The following PSPC1 variants were observed in gnomAD, a reference collection of about 807,000 sequenced individuals.
The protein encoded by PSPC1 is paraspeckle component 1, also known as paraspeckle protein 1.
A neutral mutation model predicts 51.6 loss-of-function variants in PSPC1; 14 were observed. The ratio of observed to expected loss-of-function variants is 0.27; its 90% CI spans 0.18 to 0.42. PSPC1 has a LOEUF of 0.42. PSPC1 is among the 10% of genes least tolerant of loss of function. The pLI, the probability that PSPC1 is intolerant of heterozygous loss-of-function variation, is 1.00. For synonymous variants in PSPC1, 193 were observed against 231.9 expected (o/e 0.83, Z 1.53); for missense variants, 406 against 701.1 (o/e 0.58, Z 4.75).
intron 6 of PSPC1, among the ~76,000 whole-genome samples, chr13:19,717,875 TAAAA>T (rs35726784): frequency 2.2e-5 from 3 of 138,074 alleles, no homozygotes; most frequent in Non-Finnish European, 4.7e-5. Flanking sequence ...GACTCCACTT[TAAAA>T]AAAAAAAAGT....
rs985690489 is a variant in PSPC1, at chr13:19,730,249, T to C, written c.1148A>G (p.Tyr383Cys). 2 of 1,613,466 alleles carry C rather than the reference T, an allele frequency of 1.2e-6. No homozygotes were observed. Among genetic ancestry groups the C allele is most frequent in the Non-Finnish European group, 1.7e-6 (2 of 1,179,632 alleles). The change falls in exon 6 of 9, where the codon TAC becomes TGC. Residue 383 changes from tyrosine to cysteine, a missense_variant. This residue lies in a region of PSPC1 where 61 missense variants were observed against 78.4 expected (regional missense o/e 0.78). Transcript: ENST00000338910. Reference sequence around the variant, plus strand: ...TAGTAGTTTACTTACATTTTCCATGTAGTTTGGCTTAAAGCCCTCTTGCTG... The same window carrying C: ...TAGTAGTTTACTTACATTTTCCATGCAGTTTGGCTTAAAGCCCTCTTGCTG... ...RRQQEGFKPN[Y>C]MENREQEMRM...
chr13:19,682,526 C>T lies in PSPC1; in HGVS notation c.1159-4703G>A, dbSNP rs1412136342. On this transcript the variant is annotated intron_variant and NMD_transcript_variant, in intron 6 of 7. Transcript: ENST00000471658. ...AAAAAAGCAGTATATAAAGGGTACT[C>T]AACATCAGAAGTTATCGGAAAATGT... Among the ~76,000 whole-genome samples, 6 of 142,150 alleles carry T rather than the reference C, an allele frequency of 4.2e-5. No individual in the cohort carries two copies. The Admixed American group carries it at 4.2e-4, about 10-fold the overall frequency. 93.3% of individuals were successfully genotyped at this position (142,150 alleles called of 152,430 possible).
intron 6 of PSPC1, among the ~76,000 whole-genome samples, chr13:19,695,846 T>C (rs1879150414): frequency 6.6e-6 from 1 of 151,748 alleles, no homozygotes; most frequent in Admixed American, 6.6e-5. Context: ...CAATTAGTAA[T>C]ACATAACAGG....
At chr13:19,678,698 C>G (rs945964143) in intron 6 of PSPC1, 1 of 152,156 alleles carries the variant, frequency 6.6e-6, no homozygotes, top group Non-Finnish European at 1.5e-5. Context: ...TCCACAGATA[C>G]CCTAATGCAC....
At chr13:19,704,134 A>G (rs1284158372) in intron 8 of PSPC1, among the ~76,000 whole-genome samples, 1 of 152,284 alleles carries the variant, frequency 6.6e-6, no homozygotes, top group Non-Finnish European at 1.5e-5. Context: ...AAAAAATGGG[A>G]CAGTTAATGT....
intron 2 of PSPC1, among the ~76,000 whole-genome samples, chr13:19,770,688 T>C (rs1048858259): frequency 6.6e-6 from 1 of 152,010 alleles, no homozygotes; most frequent in Admixed American, 6.6e-5. Flanking sequence ...CTCGGGAGGC[T>C]GAGGCAGGAG....
At chr13:19,730,147 A>G in intron 6 of PSPC1, 92 bp downstream of exon 6, 1 of 946,036 alleles carries the variant, frequency 1.1e-6, no homozygotes. Flanking sequence ...ATTAGAAAAG[A>G]CTACTGTATA....
chr13:19,705,274 C>T (rs1306245184), intron 8 of PSPC1, among the ~76,000 whole-genome samples: 2 of 152,212 alleles, frequency 1.3e-5, no homozygotes, highest in African/African-American at 2.4e-5. Context: ...GCGGGCGGAT[C>T]ACGAGGTCAG....
chr13:19,701,118 G>C (rs1285547849), downstream of PSPC1, among the ~76,000 whole-genome samples: 9 of 152,070 alleles, frequency 5.9e-5, no homozygotes, highest in Non-Finnish European at 1.2e-4. Context: ...AGTTGAGCCT[G>C]GACACTAGGA....
chr13:19,709,521 C>G (rs1440301589), intron 7 of PSPC1, 21 bp downstream of exon 7: 2 of 1,600,964 alleles, frequency 1.2e-6, no homozygotes, highest in East Asian at 4.5e-5. Context: ...ATTACAAAAG[C>G]CTTTTGCTTC....
downstream of PSPC1, among the ~76,000 whole-genome samples, chr13:19,699,851 C>T (rs571371849): frequency 6.6e-6 from 1 of 152,086 alleles, no homozygotes; most frequent in South Asian, 2.1e-4. Context: ...TTTTATATCA[C>T]TGCTATCCTC....
intron 6 of PSPC1, among the ~76,000 whole-genome samples, chr13:19,719,043 C>A (rs1453897460): frequency 1.3e-5 from 2 of 150,874 alleles, no homozygotes; most frequent in Non-Finnish European, 3.0e-5. Context: ...ATCATAGGTT[C>A]ATGTCATAGA....
chr13:19,717,237 G>T (rs1882206384), intron 6 of PSPC1, among the ~76,000 whole-genome samples: 1 of 151,964 alleles, frequency 6.6e-6, no homozygotes, highest in Non-Finnish European at 1.5e-5. Context: ...TTAAGATACT[G>T]AACAATATAC....
chr13:19,737,516 G>A (rs1316840655), intron 5 of PSPC1, among the ~76,000 whole-genome samples: 26 of 152,084 alleles, frequency 1.7e-4, no homozygotes. Context: ...ATCATATCAA[G>A]GGGCTCCTGA....
intron 5 of PSPC1, among the ~76,000 whole-genome samples, chr13:19,730,729 G>A (rs1183951878): frequency 1.3e-5 from 2 of 151,938 alleles, no homozygotes; most frequent in African/African-American, 4.8e-5. Flanking sequence ...AGGTTGAGGC[G>A]AGTACATCAC....
intron 6 of PSPC1, among the ~76,000 whole-genome samples, chr13:19,697,493 C>A (rs376217712): frequency 9.2e-5 from 14 of 152,234 alleles, no homozygotes; most frequent in African/African-American, 3.4e-4. Context: ...AATGACATGG[C>A]ACCTCATAAA....
At chr13:19,716,886 G>C (rs1243013774) in intron 6 of PSPC1, among the ~76,000 whole-genome samples, 2 of 152,018 alleles carry the variant, frequency 1.3e-5, no homozygotes, top group East Asian at 3.8e-4. Context: ...ACTTTCATGA[G>C]AAAGATTAAA....
intron 7 of PSPC1, among the ~76,000 whole-genome samples, chr13:19,708,720 G>A (rs1038632963): frequency 1.3e-5 from 2 of 152,102 alleles, no homozygotes; most frequent in African/African-American, 4.8e-5. Context: ...GTAGGTTAAA[G>A]GAAAAAAGTT....
intron 6 of PSPC1, among the ~76,000 whole-genome samples, chr13:19,725,293 T>C (rs572920920): frequency 3.3e-5 from 5 of 152,356 alleles, no homozygotes; most frequent in Admixed American, 6.5e-5. Context: ...ATGAACCTTC[T>C]GGATACTAAT....
Sources: gnomAD v4.1 joint callset for allele counts (sites outside exome capture counted in the v4.1 genomes callset) on GRCh38, gnomAD v4.1.1 for gene constraint, gnomAD v4.1.1 regional missense constraint, MANE v1.5 for transcripts, NCBI Gene and HGNC (gene_info 2026-07-23, HGNC 2026-07-21) for gene names.